The following NME7 variants were observed in gnomAD, a reference collection of about 807,000 sequenced individuals.
The protein encoded by NME7 is nucleoside diphosphate kinase 7.
NME7 carries 41 observed loss-of-function variants against 49.1 expected under a neutral mutation model. That is an observed-to-expected ratio of 0.83 (90% CI 0.65 to 1.08). The LOEUF is 1.08. Ranked by LOEUF, NME7 falls within the 50% of genes least tolerant of loss-of-function variation. The pLI, the probability that NME7 is intolerant of heterozygous loss-of-function variation, is 0.00. For missense variants in NME7, 423 were observed against 463.4 expected (o/e 0.91, Z 0.80); for synonymous variants, 139 against 150.6 (o/e 0.92, Z 0.56).
chr1:169,253,534 C>T (rs1299966419), intron 7 of NME7, among the ~76,000 whole-genome samples: 3 of 152,176 alleles, frequency 2.0e-5, no homozygotes, highest in Admixed American at 2.0e-4. Flanking sequence ...TTCCTCTTTT[C>T]CTAATTGAAT....
At chr1:169,278,326 A>G (rs1175583536) in intron 7 of NME7, among the ~76,000 whole-genome samples, 1 of 151,796 alleles carries the variant, frequency 6.6e-6, no homozygotes, top group Non-Finnish European at 1.5e-5. Flanking sequence ...AGGTACACCA[A>G]TCAGACATAG....
chr1:169,347,541 C>T (rs1423801794), intron 1 of NME7, among the ~76,000 whole-genome samples: 1 of 152,088 alleles, frequency 6.6e-6, no homozygotes, highest in East Asian at 1.9e-4. Context: ...CTAAACCCAC[C>T]CTGACATTTG....
chr1:169,215,001 C>T (rs574039939), intron 10 of NME7, among the ~76,000 whole-genome samples: 1 of 152,236 alleles, frequency 6.6e-6, no homozygotes, highest in Non-Finnish European at 1.5e-5. Flanking sequence ...GGTATTCACA[C>T]TTGGTGGGCC....
At chr1:169,351,683 A>T (rs1436710483) in intron 1 of NME7, among the ~76,000 whole-genome samples, 1 of 152,004 alleles carries the variant, frequency 6.6e-6, no homozygotes, top group East Asian at 1.9e-4. Flanking sequence ...TCCTTTAGTC[A>T]GAGTAAGAAA....
At position 169,273,966 on chromosome 1, in the gene NME7, G is replaced by C. The variant is rs1013883169; in HGVS notation, c.754+13337C>G. Among the ~76,000 whole-genome samples the C allele has an allele frequency of 1.5e-5, 2 of 132,148 alleles. 1 individual carries two copies. The highest frequency in any genetic ancestry group is 3.5e-5 in the Non-Finnish European group (2 of 56,382). The allele number at this position is 132,148 out of a possible 152,430, so 86.7% of individuals were successfully genotyped here. On this transcript the variant is annotated intron_variant, in intron 7 of 11. Coordinates refer to ENST00000367811, the MANE Select transcript of NME7 (RefSeq NM_013330.5). Reference sequence around the variant, plus strand: ...TAGCAGCATGATTTATAGTCCTTTAGGTATATATTATACCAGTAATGGGAT... The same window carrying C: ...TAGCAGCATGATTTATAGTCCTTTACGTATATATTATACCAGTAATGGGAT...
intron 1 of NME7, among the ~76,000 whole-genome samples, chr1:169,325,950 G>A (rs375294152): frequency 1.3e-5 from 2 of 151,772 alleles, no homozygotes; most frequent in Non-Finnish European, 1.5e-5. Flanking sequence ...GCTTTTTTGA[G>A]TTTAGGTTTC....
At chr1:169,341,617 G>A (rs563018711) in intron 1 of NME7, among the ~76,000 whole-genome samples, 1 of 152,268 alleles carries the variant, frequency 6.6e-6, no homozygotes, top group African/African-American at 2.4e-5. Context: ...AGGGGCACTC[G>A]ATGCCAGCCT....
chr1:169,209,475 T>G (rs577138601), intron 10 of NME7, among the ~76,000 whole-genome samples: 2 of 152,128 alleles, frequency 1.3e-5, no homozygotes, highest in Non-Finnish European at 1.5e-5. Flanking sequence ...AACTATGTAC[T>G]TGCTTGTGCC....
At chr1:169,193,489 C>T (rs1660291820) in intron 10 of NME7, among the ~76,000 whole-genome samples, 1 of 152,114 alleles carries the variant, frequency 6.6e-6, no homozygotes, top group Non-Finnish European at 1.5e-5. Context: ...CTTTCATGTC[C>T]AAAAGCGGTA....
At chr1:169,330,267 GGTAATAGTAA>G (rs1652203980) in intron 1 of NME7, among the ~76,000 whole-genome samples, 1 of 152,130 alleles carries the variant, frequency 6.6e-6, no homozygotes, top group Non-Finnish European at 1.5e-5. Context: ...AAAACTCACT[GGTAATAGTAA>G]GTACACAGAA....
At chr1:169,153,745 T>C (rs760140219) in intron 11 of NME7, among the ~76,000 whole-genome samples, 14 of 152,316 alleles carry the variant, frequency 9.2e-5, no homozygotes, top group Non-Finnish European at 1.9e-4. Flanking sequence ...TCACCCAAGC[T>C]GGAGTACAGT....
chr1:169,169,212 G>C (rs1327577082), intron 11 of NME7: 2 of 425,634 alleles, frequency 4.7e-6, no homozygotes, highest in East Asian at 1.0e-4. Context: ...TCAGGGGGTG[G>C]GGGGGATAGG....
intron 11 of NME7, among the ~76,000 whole-genome samples, chr1:169,153,859 C>T (rs535287461): frequency 6.4e-5 from 9 of 140,192 alleles, no homozygotes; most frequent in African/African-American, 1.8e-4. Flanking sequence ...CCACCATGCT[C>T]GGCTAATTTT....
chr1:169,331,970 T>C (rs942353463), intron 1 of NME7, among the ~76,000 whole-genome samples: 7 of 152,082 alleles, frequency 4.6e-5, no homozygotes, highest in African/African-American at 1.7e-4. Flanking sequence ...AAAAAACAAT[T>C]CTAGAATTTA....
At chr1:169,193,163 T>A (rs1366936257) in intron 10 of NME7, among the ~76,000 whole-genome samples, 1 of 152,022 alleles carries the variant, frequency 6.6e-6, no homozygotes, top group Admixed American at 6.6e-5. Context: ...ATAATAATAA[T>A]AAAGATCATG....
intron 10 of NME7, among the ~76,000 whole-genome samples, chr1:169,211,724 C>G (rs1660826196): frequency 6.6e-6 from 1 of 151,928 alleles, no homozygotes; most frequent in Non-Finnish European, 1.5e-5. Context: ...CAGGAACAAC[C>G]AGAAAAGAGA....
At chr1:169,317,078 G>A (rs925656589) in intron 3 of NME7, among the ~76,000 whole-genome samples, 1 of 151,876 alleles carries the variant, frequency 6.6e-6, no homozygotes, top group Non-Finnish European at 1.5e-5. Flanking sequence ...CAATGTACAT[G>A]TATTAACTTT....
At chr1:169,171,713 G>A (rs1189824700) in intron 10 of NME7, among the ~76,000 whole-genome samples, 2 of 150,454 alleles carry the variant, frequency 1.3e-5, no homozygotes, top group East Asian at 2.0e-4. Context: ...GCAGTGAGCC[G>A]AGATCACGCC....
intron 11 of NME7, among the ~76,000 whole-genome samples, chr1:169,148,759 G>T (rs970746218): frequency 1.3e-5 from 2 of 152,148 alleles, no homozygotes; most frequent in African/African-American, 4.8e-5. Context: ...GAAAATGAAG[G>T]GACTGGACAG....
Sources: allele counts gnomAD v4.1 joint callset (sites outside exome capture counted in the v4.1 genomes callset), GRCh38; gene constraint gnomAD v4.1.1; transcripts MANE v1.5; gene names NCBI Gene and HGNC (gene_info 2026-07-23, HGNC 2026-07-21).